PDE9A: variants seen among roughly 807,000 people sequenced by gnomAD.
The protein encoded by PDE9A is phosphodiesterase 9A, also known as high affinity cGMP-specific 3',5'-cyclic phosphodiesterase 9A.
PDE9A carries 60 observed loss-of-function variants against 87.4 expected under a neutral mutation model. That is an observed-to-expected ratio of 0.69 (90% CI 0.56 to 0.85). The LOEUF is 0.85. Ranked by LOEUF, PDE9A falls within the 40% of genes least tolerant of loss-of-function variation. The pLI is 0.00. For synonymous variants in PDE9A, 272 were observed against 279.4 expected, an observed-to-expected ratio of 0.97 and a Z score of 0.27; for missense variants, 665 against 779.0, an observed-to-expected ratio of 0.85 and a Z score of 1.74.
At chr21:42,767,048 G>T (rs1301850608) in intron 15 of PDE9A, among the ~76,000 whole-genome samples, 1 of 151,976 alleles carries the variant, frequency 6.6e-6, no homozygotes. Context: ...TTATCCCAAC[G>T]ACCTGCACCG....
At chr21:42,666,497 C>G (rs938672660) in intron 1 of PDE9A, among the ~76,000 whole-genome samples, 1 of 152,196 alleles carries the variant, frequency 6.6e-6, no homozygotes, top group Non-Finnish European at 1.5e-5. Flanking sequence ...GAGGGCTGCA[C>G]TCCCCCGTGT....
chr21:42,749,752 C>G (rs2054226336), intron 8 of PDE9A, among the ~76,000 whole-genome samples: 2 of 152,228 alleles, frequency 1.3e-5, no homozygotes, highest in African/African-American at 4.8e-5. Flanking sequence ...TGAAGCTAAG[C>G]TCTGTGGAGC....
rs967181675 is a variant in PDE9A, at chr21:42,723,049, C to G, written c.263-8721C>G. 2.0e-5 allele frequency among the ~76,000 whole-genome samples: 3 copies of G among 152,362 alleles called. No homozygotes were observed. Among genetic ancestry groups the G allele is most frequent in the African/African-American group, 7.2e-5 (3 of 41,588 alleles). ...GTGAACACGGAGGCAGCCGTGTGAA[C>G]ACCATGAGGCAGGGTGTCCATCCTG... On this transcript the variant is annotated intron_variant, in intron 4 of 19. Coordinates refer to ENST00000291539, the MANE Select transcript of PDE9A (RefSeq NM_002606.3). This position sits in a 1 kb window ranked among gnomAD's most constrained non-coding sequence, Gnocchi z 4.3.
chr21:42,773,412 T>G (rs2057203035), intron 19 of PDE9A, among the ~76,000 whole-genome samples: 3 of 152,334 alleles, frequency 2.0e-5, no homozygotes, highest in South Asian at 2.1e-4. Flanking sequence ...ACAAATCACG[T>G]GTTTGCTTTA....
chr21:42,731,982 C>T (rs374119481), intron 5 of PDE9A, 33 bp downstream of exon 5: 3 of 1,611,770 alleles, frequency 1.9e-6, no homozygotes, highest in South Asian at 1.1e-5. Context: ...CAGCCTCCAC[C>T]CCCCAACACG....
intron 3 of PDE9A, among the ~76,000 whole-genome samples, chr21:42,698,498 G>T (rs1253501614): frequency 6.6e-6 from 1 of 152,034 alleles, no homozygotes; most frequent in Non-Finnish European, 1.5e-5. Context: ...CGTGATGATG[G>T]GGGGAGGGGG....
intron 8 of PDE9A, among the ~76,000 whole-genome samples, chr21:42,746,788 T>TG (rs2053898503): frequency 6.6e-6 from 1 of 152,156 alleles, no homozygotes; most frequent in Admixed American, 6.5e-5. Context: ...CGCCGGGCTG[T>TG]GGGGGGCACC....
rs954795728 is a variant in PDE9A, at chr21:42,731,668, C to T, written c.263-102C>T. The T allele has an allele frequency of 4.2e-6, 5 of 1,187,754 alleles. No homozygotes were observed. The African/African-American group carries it at 6.1e-5, about 14-fold the overall frequency. The allele number at this position is 1,187,754 out of a possible 1,614,324, so 73.6% of individuals were successfully genotyped here. On this transcript the variant is annotated intron_variant, in intron 4 of 19. Coordinates refer to ENST00000291539, the MANE Select transcript of PDE9A (RefSeq NM_002606.3). Reference sequence around the variant, plus strand: ...CACCGTGTTCTGAATTGAGACGTGCCTTGCACTCACTTTGTCCCAGTAATT... The same window carrying T: ...CACCGTGTTCTGAATTGAGACGTGCTTTGCACTCACTTTGTCCCAGTAATT...
intron 1 of PDE9A, among the ~76,000 whole-genome samples, chr21:42,655,168 G>A (rs1463771382): frequency 2.0e-5 from 3 of 149,892 alleles, no homozygotes; most frequent in Non-Finnish European, 3.0e-5. Context: ...ACGCACACAC[G>A]TGCATACACA....
At chr21:42,715,263 G>A (rs1204730707) in intron 4 of PDE9A, among the ~76,000 whole-genome samples, 2 of 149,064 alleles carry the variant, frequency 1.3e-5, no homozygotes, top group Non-Finnish European at 1.5e-5. Flanking sequence ...GAAAAGTGTG[G>A]AGCTCCCACA....
chr21:42,742,601 G>C (rs1656558319), intron 7 of PDE9A, among the ~76,000 whole-genome samples: 1 of 151,846 alleles, frequency 6.6e-6, no homozygotes, highest in South Asian at 2.1e-4. Context: ...GAGTAGCTGG[G>C]ACTACAGGCA....
intron 14 of PDE9A, among the ~76,000 whole-genome samples, chr21:42,764,378 G>A (rs148827066): frequency 5.1e-4 from 78 of 152,360 alleles, no homozygotes; most frequent in Non-Finnish European, 7.6e-4. Context: ...GCTACGATAA[G>A]CTGTGGCAAA....
In PDE9A at chr21:42,762,094, A is replaced by G; in HGVS notation, c.1097A>G (p.Asn366Ser). Residue 366 changes from asparagine to serine, a missense_variant, in exon 14 of 20, where the codon AAT becomes AGT. Coordinates refer to ENST00000291539, the MANE Select transcript of PDE9A (RefSeq NM_002606.3). Reference sequence around the variant, plus strand: ...TCCTTGCCTCCCAGGTACCAGATCAATGCCCGCACAGAGCTGGCGGTCCGC... The same window carrying G: ...TCCTTGCCTCCCAGGTACCAGATCAGTGCCCGCACAGAGCTGGCGGTCCGC... ...HPGYNNTYQINARTELAVRYN... is the reference protein window; with the variant it reads ...HPGYNNTYQISARTELAVRYN... The G allele has an allele frequency of 1.9e-6, 3 of 1,613,844 alleles. No individual in the cohort carries two copies. The highest frequency in any genetic ancestry group is 2.5e-6 in the Non-Finnish European group (3 of 1,179,836).
chr21:42,730,326 T>C (rs2051592750), intron 4 of PDE9A, among the ~76,000 whole-genome samples: 1 of 152,216 alleles, frequency 6.6e-6, no homozygotes, highest in South Asian at 2.1e-4. Flanking sequence ...CTTCTTCTTA[T>C]CAAGTCATAG....
intron 1 of PDE9A, among the ~76,000 whole-genome samples, chr21:42,658,350 G>GTT (rs1449663055): frequency 6.6e-6 from 1 of 152,218 alleles, no homozygotes; most frequent in African/African-American, 2.4e-5. Flanking sequence ...GATCTGTCCT[G>GTT]TTCAGGCCCC....
At chr21:42,669,051 T>G (rs2058231009) in intron 1 of PDE9A, among the ~76,000 whole-genome samples, 1 of 152,036 alleles carries the variant, frequency 6.6e-6, no homozygotes, top group African/African-American at 2.4e-5. Flanking sequence ...CCACCCGGTA[T>G]CAAGGACTCC....
At chr21:42,670,482 ATACACT>A (rs1382711506) in intron 1 of PDE9A, among the ~76,000 whole-genome samples, 2 of 150,920 alleles carry the variant, frequency 1.3e-5, no homozygotes, top group South Asian at 2.1e-4. Flanking sequence ...ACTTACACAC[ATACACT>A]TACACACGCA....
At chr21:42,689,462 A>G (rs2059667843) in intron 3 of PDE9A, 4 of 876,642 alleles carry the variant, frequency 4.6e-6, no homozygotes, top group Non-Finnish European at 5.5e-6. Context: ...TCTCGCTCAG[A>G]AGCAAAGTCA....
At chr21:42,751,813 C>G (rs2054465794) in intron 9 of PDE9A, among the ~76,000 whole-genome samples, 1 of 134,740 alleles carries the variant, frequency 7.4e-6, no homozygotes. Context: ...ATGGCACAAT[C>G]TTGGCTCACT....
Sources: gnomAD v4.1 joint callset for allele counts (sites outside exome capture counted in the v4.1 genomes callset) on GRCh38, gnomAD v4.1.1 for gene constraint, Gnocchi (gnomAD v3.1) non-coding constraint, MANE v1.5 for transcripts, NCBI Gene and HGNC (gene_info 2026-07-23, HGNC 2026-07-21) for gene names.